RARB: variants seen among roughly 807,000 people sequenced by gnomAD.
The protein encoded by RARB is HBV-activated protein.
Under a neutral mutation model 51.9 loss-of-function variants are expected in RARB, and 17 were observed. That is an observed-to-expected ratio of 0.33 (90% confidence interval 0.22 to 0.49). The LOEUF (loss-of-function observed/expected upper bound fraction) is 0.49. Ranked by LOEUF, RARB falls within the 20% of genes least tolerant of loss-of-function variation. The pLI is 0.99. For missense variants in RARB, 369 were observed against 550.8 expected, an observed-to-expected ratio of 0.67 and a Z score of 3.30; for synonymous variants, 215 against 195.4, an observed-to-expected ratio of 1.10 and a Z score of -0.84.
At chr3:25,077,370 C>A (rs191152143) in intron 3 of RARB, among the ~76,000 whole-genome samples, 1 of 152,100 alleles carries the variant, frequency 6.6e-6, no homozygotes, top group Admixed American at 6.5e-5. Flanking sequence ...CGTTCTCCTC[C>A]CCTACAGACT....
At chr3:25,045,378 C>T (rs1698193348) in intron 2 of RARB, among the ~76,000 whole-genome samples, 2 of 152,132 alleles carry the variant, frequency 1.3e-5, no homozygotes, top group African/African-American at 4.8e-5. Flanking sequence ...TATCAGGAGG[C>T]CCTTCCGAGA....
chr3:25,257,969 C>T (rs1455467863), intron 5 of RARB, among the ~76,000 whole-genome samples: 1 of 152,156 alleles, frequency 6.6e-6, no homozygotes, highest in African/African-American at 2.4e-5. Flanking sequence ...CTCTTCCTGC[C>T]ATAGCAATGG....
At chr3:24,914,599 A>G (rs1287289367) in intron 2 of RARB, among the ~76,000 whole-genome samples, 3 of 152,194 alleles carry the variant, frequency 2.0e-5, no homozygotes, top group African/African-American at 7.2e-5. Flanking sequence ...TAGTATTTGC[A>G]TATAACCTGC....
chr3:25,577,389 T>A (rs1244008525), intron 4 of RARB, among the ~76,000 whole-genome samples: 4 of 152,100 alleles, frequency 2.6e-5, no homozygotes, highest in Non-Finnish European at 2.9e-5. Context: ...GGTGGTTACA[T>A]GCAAAAACAT....
Position 25,569,586 on chromosome 3 carries a change from C to G in RARB, c.449-172C>G, listed in dbSNP as rs534270089. On this transcript the variant is annotated intron_variant, in intron 3 of 7. Transcript: ENST00000330688. ...CAAACCTAGCTCTCTGCCGGGGTCC[C>G]GCGGCTGCCAAATCCCTTTTCCAGG... Among the ~76,000 whole-genome samples, 7 of 152,326 alleles carry G rather than the reference C, an allele frequency of 4.6e-5. No homozygotes were observed. In the East Asian group the frequency reaches 5.8e-4, roughly 13 times the overall value.
chr3:25,038,270 G>GT (rs1470772802), intron 2 of RARB, among the ~76,000 whole-genome samples: 1 of 152,118 alleles, frequency 6.6e-6, no homozygotes, highest in African/African-American at 2.4e-5. Flanking sequence ...TAAAAATGAA[G>GT]TTGTGTATAA....
chr3:25,556,197 T>C (rs768605685), intron 3 of RARB, among the ~76,000 whole-genome samples: 13 of 152,088 alleles, frequency 8.5e-5, no homozygotes, highest in Non-Finnish European at 1.8e-4. Flanking sequence ...ACAAAGAAGA[T>C]TTTTGTGAAC....
At chr3:25,393,343 G>C (rs1053460782) in intron 5 of RARB, among the ~76,000 whole-genome samples, 5 of 151,614 alleles carry the variant, frequency 3.3e-5, no homozygotes, top group African/African-American at 1.2e-4. Flanking sequence ...CAGGGATATT[G>C]GTCTGTAGTT....
chr3:25,246,445 C>T (rs1315498721), intron 5 of RARB, among the ~76,000 whole-genome samples: 1 of 152,130 alleles, frequency 6.6e-6, no homozygotes, highest in Non-Finnish European at 1.5e-5. Context: ...TGTTTTTCCT[C>T]ACCTTCTTGG....
chr3:25,256,877 G>T (rs5012520), intron 5 of RARB, among the ~76,000 whole-genome samples: 152,233 of 152,234 alleles, frequency 1, 76,116 homozygotes, highest in Middle Eastern at 1. Flanking sequence ...AGGTCGTGAA[G>T]GATAGTTTAT....
At chr3:25,568,877 C>T (rs1286479639) in intron 3 of RARB, among the ~76,000 whole-genome samples, 2 of 152,216 alleles carry the variant, frequency 1.3e-5, no homozygotes, top group African/African-American at 2.4e-5. Context: ...TCTTTCCTCG[C>T]GAGATCCTAG....
At position 25,146,459 on chromosome 3, in the gene RARB, A is replaced by G. The variant is rs1575181455; in HGVS notation, c.-280+14251A>G. Among the ~76,000 whole-genome samples, 3 of 151,286 alleles carry G rather than the reference A, an allele frequency of 2.0e-5. No individual in the cohort carries two copies. In the East Asian group the frequency reaches 5.8e-4, roughly 29 times the overall value. On this transcript the variant is annotated intron_variant, in intron 4 of 11. Transcript: ENST00000383772. ...ATTAATTTGCAAAAACACACAGGCTAGAGGACTCAGCCTGCAGGCTATAAT... is the reference window on the plus strand; with the variant it reads ...ATTAATTTGCAAAAACACACAGGCTGGAGGACTCAGCCTGCAGGCTATAAT...
At chr3:25,189,490 A>T (rs370215849) in intron 5 of RARB, among the ~76,000 whole-genome samples, 7 of 152,084 alleles carry the variant, frequency 4.6e-5, no homozygotes, top group African/African-American at 1.7e-4. Flanking sequence ...GAAAAGGCCA[A>T]AATGTTCCCT....
intron 5 of RARB, among the ~76,000 whole-genome samples, chr3:25,228,912 T>C (rs1702115947): frequency 6.6e-6 from 1 of 152,080 alleles, no homozygotes; most frequent in Non-Finnish European, 1.5e-5. Context: ...AAGTTGCAAT[T>C]TGTTTCTCTT....
At chr3:24,895,449 A>G (rs1219077114) in intron 2 of RARB, among the ~76,000 whole-genome samples, 1 of 152,206 alleles carries the variant, frequency 6.6e-6, no homozygotes, top group Non-Finnish European at 1.5e-5. Context: ...ATGAAGCCCT[A>G]GAGTTTGGGT....
chr3:25,207,893 T>C (rs1259325735), intron 5 of RARB, among the ~76,000 whole-genome samples: 2 of 152,150 alleles, frequency 1.3e-5, no homozygotes, highest in African/African-American at 4.8e-5. Flanking sequence ...TCCAGTCCTG[T>C]AGGTTGTACA....
At chr3:25,049,201 G>A (rs1442459817) in intron 2 of RARB, among the ~76,000 whole-genome samples, 1 of 152,216 alleles carries the variant, frequency 6.6e-6, no homozygotes, top group Non-Finnish European at 1.5e-5. Flanking sequence ...TTTTAGGGAT[G>A]CCTGTGGAAG....
chr3:25,269,481 GCTTGTTTATACTT>G (rs1384417188), intron 5 of RARB, among the ~76,000 whole-genome samples: 2 of 152,068 alleles, frequency 1.3e-5, no homozygotes, highest in East Asian at 3.9e-4. Flanking sequence ...AGTTACTTTA[GCTTGTTTATACTT>G]CAATTTCTTC....
intron 4 of RARB, among the ~76,000 whole-genome samples, chr3:25,136,807 T>C (rs1700037801): frequency 1.3e-5 from 2 of 151,950 alleles, no homozygotes; most frequent in Admixed American, 1.3e-4. Context: ...ATCCTTGGCT[T>C]AGAAGTTGAG....
Sources: gnomAD v4.1 joint callset for allele counts (sites outside exome capture counted in the v4.1 genomes callset) on GRCh38, gnomAD v4.1.1 for gene constraint, MANE v1.5 for transcripts, NCBI Gene and HGNC (gene_info 2026-07-23, HGNC 2026-07-21) for gene names.